Variants in KCNT2 observed in about 807,000 individuals in gnomAD.
KCNT2 encodes the protein potassium channel subfamily T member 2.
A neutral mutation model predicts 153.8 loss-of-function variants in KCNT2; 67 were observed. The ratio of observed to expected loss-of-function variants is 0.44; its 90% confidence interval spans 0.36 to 0.53. The LOEUF is 0.53. Among genes scored for constraint, KCNT2 ranks in the 20% least tolerant of loss-of-function variants. The pLI, the probability that KCNT2 is intolerant of heterozygous loss-of-function variation, is 0.00. For missense variants in KCNT2, 975 were observed against 1,354.8 expected (o/e 0.72, Z 4.40); for synonymous variants, 500 against 458.8 (o/e 1.09, Z -1.15).
chr1:196,400,990 C>A lies in KCNT2; in HGVS notation c.1186-2319G>T, dbSNP rs74136535. On this transcript the variant is annotated intron_variant, in intron 12 of 27. Coordinates refer to ENST00000294725, the MANE Select transcript of KCNT2 (RefSeq NM_198503.5). The stretch of plus-strand genomic sequence containing the variant: ...ACAGAAAACCTGCCAGAACAACAAG[C>A]GAATGGAGCCTGGAACAACCAGAGC... Among the ~76,000 whole-genome samples the A allele has an allele frequency of 2.9e-3, 446 of 151,816 alleles. 3 individuals are homozygous for A. Among genetic ancestry groups the A allele is most frequent in the African/African-American group, 0.01 (420 of 41,478 alleles).
intron 12 of KCNT2, among the ~76,000 whole-genome samples, chr1:196,418,514 A>G (rs1391097789): frequency 6.6e-6 from 1 of 152,034 alleles, no homozygotes; most frequent in African/African-American, 2.4e-5. Context: ...TTGATGACTT[A>G]AACAGAAGAC....
intron 26 of KCNT2, among the ~76,000 whole-genome samples, chr1:196,254,991 C>T (rs1174250155): frequency 1.3e-5 from 2 of 151,516 alleles, no homozygotes; most frequent in African/African-American, 4.8e-5. Context: ...TATAACAATA[C>T]ACGTCCAAAT....
rs74340232 is a variant in KCNT2 at position 196,460,945 on chromosome 1, A to C, written c.638+4348T>G. Reference sequence around the variant, plus strand: ...GAAAATTTAAACCATAGCAGGAAGAATAAGGAAGAAAGTTGTTAGTCAATT... The same window carrying C: ...GAAAATTTAAACCATAGCAGGAAGACTAAGGAAGAAAGTTGTTAGTCAATT... On this transcript the variant is annotated intron_variant, in intron 8 of 27. Transcript: ENST00000294725. Among the ~76,000 whole-genome samples, 32 of 151,934 alleles carry C rather than the reference A, an allele frequency of 2.1e-4. 1 individual carries two copies. The East Asian group carries it at 6.2e-3, about 29-fold the overall frequency.
At chr1:196,385,012 C>G (rs935891651) in intron 13 of KCNT2, among the ~76,000 whole-genome samples, 2 of 151,948 alleles carry the variant, frequency 1.3e-5, no homozygotes, top group African/African-American at 4.8e-5. Flanking sequence ...CCCAAATAAA[C>G]TAACATATAA....
intron 21 of KCNT2, among the ~76,000 whole-genome samples, chr1:196,315,124 T>C (rs926609169): frequency 7.2e-5 from 11 of 151,830 alleles, no homozygotes; most frequent in Non-Finnish European, 1.3e-4. Flanking sequence ...ACATGGATGA[T>C]GAGAAAGTTG....
At chr1:196,420,476 C>G (rs967857959) in intron 12 of KCNT2, among the ~76,000 whole-genome samples, 5 of 151,654 alleles carry the variant, frequency 3.3e-5, no homozygotes, top group Non-Finnish European at 7.4e-5. Flanking sequence ...GTTAAGCACT[C>G]AAAAGAGGTT....
chr1:196,388,989 T>C (rs1237887977), intron 13 of KCNT2, among the ~76,000 whole-genome samples: 1 of 151,798 alleles, frequency 6.6e-6, no homozygotes, highest in Non-Finnish European at 1.5e-5. Flanking sequence ...AAGCATCAAG[T>C]ATAATAAAAA....
intron 1 of KCNT2, among the ~76,000 whole-genome samples, chr1:196,580,824 A>G (rs918459604): frequency 5.9e-5 from 9 of 152,234 alleles, no homozygotes; most frequent in Non-Finnish European, 7.4e-5. Flanking sequence ...GCAGGGAAAA[A>G]CACTCAAAAG....
intron 1 of KCNT2, among the ~76,000 whole-genome samples, chr1:196,501,420 A>G (rs1680688832): frequency 6.6e-6 from 1 of 152,206 alleles, no homozygotes; most frequent in Non-Finnish European, 1.5e-5. Context: ...AAAGAAAAAT[A>G]ATGAAATAAT....
chr1:196,359,704 C>A (rs935461465), intron 14 of KCNT2, among the ~76,000 whole-genome samples: 1 of 151,648 alleles, frequency 6.6e-6, no homozygotes, highest in Admixed American at 6.6e-5. Flanking sequence ...AGGAAGAAAT[C>A]ACACTGAATT....
intron 5 of KCNT2, among the ~76,000 whole-genome samples, chr1:196,472,412 G>C (rs973045860): frequency 6.6e-6 from 1 of 152,288 alleles, no homozygotes; most frequent in Middle Eastern, 3.4e-3. Flanking sequence ...AAGGATTCAA[G>C]AGTTCTTGTT....
chr1:196,528,610 G>A (rs1036034487), intron 1 of KCNT2, among the ~76,000 whole-genome samples: 1 of 152,122 alleles, frequency 6.6e-6, no homozygotes, highest in Non-Finnish European at 1.5e-5. Flanking sequence ...ATTTTAAAAA[G>A]AAGCCTTTTA....
chr1:196,243,635 G>A (rs1214557842), intron 26 of KCNT2, among the ~76,000 whole-genome samples: 2 of 152,052 alleles, frequency 1.3e-5, no homozygotes, highest in Admixed American at 6.5e-5. Context: ...GCCCACAGAG[G>A]GAACACTTAG....
chr1:196,586,063 C>T (rs986985680), intron 1 of KCNT2, among the ~76,000 whole-genome samples: 3 of 151,902 alleles, frequency 2.0e-5, no homozygotes, highest in African/African-American at 7.3e-5. Context: ...AGTTTGAGAC[C>T]AGCCTGCGCA....
At chr1:196,426,059 A>G (rs1446423579) in intron 10 of KCNT2, 71 bp from the exon 11 acceptor site, 4 of 1,180,188 alleles carry the variant, frequency 3.4e-6, no homozygotes, top group Admixed American at 4.7e-5. Flanking sequence ...GAAAAATAAA[A>G]TATCTAAGAA....
intron 8 of KCNT2, among the ~76,000 whole-genome samples, chr1:196,443,663 A>C (rs982765437): frequency 1.3e-5 from 2 of 151,614 alleles, no homozygotes; most frequent in Non-Finnish European, 3.0e-5. Flanking sequence ...GGTTCCCTAA[A>C]GCGTTAAGCT....
At chr1:196,533,737 A>C (rs956436703) in intron 1 of KCNT2, among the ~76,000 whole-genome samples, 16 of 152,296 alleles carry the variant, frequency 1.1e-4, no homozygotes, top group Middle Eastern at 6.8e-3. Context: ...TCATATATAA[A>C]GCTAGGAACA....
At chr1:196,539,495 A>G (rs1216880587) in intron 1 of KCNT2, among the ~76,000 whole-genome samples, 2 of 152,172 alleles carry the variant, frequency 1.3e-5, no homozygotes, top group Admixed American at 6.5e-5. Context: ...AGCCCAAATA[A>G]TGTTTTTAAC....
chr1:196,257,333 T>C (rs1211968601), intron 26 of KCNT2: 1 of 981,590 alleles, frequency 1.0e-6, no homozygotes, highest in African/African-American at 1.7e-5. Flanking sequence ...TAAAATTTCT[T>C]CCTAAGAACA....
Sources: allele counts gnomAD v4.1 joint callset (sites outside exome capture counted in the v4.1 genomes callset), GRCh38; gene constraint gnomAD v4.1.1; transcripts MANE v1.5; gene names NCBI Gene and HGNC (gene_info 2026-07-23, HGNC 2026-07-21).